The following SLC25A13 variants were observed in gnomAD, a reference collection of about 807,000 sequenced individuals.
SLC25A13 encodes solute carrier family 25 member 13, also known as electrogenic aspartate/glutamate antiporter SLC25A13, mitochondrial.
Under a neutral mutation model 85.5 loss-of-function variants are expected in SLC25A13, and 70 were observed. The observed-to-expected ratio is 0.82, with a 90% CI of 0.68 to 1.00. The LOEUF (loss-of-function observed/expected upper bound fraction) is 1.00, where lower values mean the gene tolerates loss of function less well. Among genes scored for constraint, SLC25A13 ranks in the 50% least tolerant of loss-of-function variants. SLC25A13 has a pLI of 0.00. For missense variants in SLC25A13, 765 were observed against 819.8 expected (o/e 0.93, Z 0.82); for synonymous variants, 259 against 288.7 (o/e 0.90, Z 1.04).
chr7:96,206,483 G>A (rs567991325), intron 5 of SLC25A13, among the ~76,000 whole-genome samples: 1 of 152,170 alleles, frequency 6.6e-6, no homozygotes, highest in Non-Finnish European at 1.5e-5. Context: ...TGAAATGGAA[G>A]GAAGGAAGAA....
chr7:96,271,525 G>A, intron 3 of SLC25A13, among the ~76,000 whole-genome samples: 1 of 152,286 alleles, frequency 6.6e-6, no homozygotes, highest in East Asian at 1.9e-4. Flanking sequence ...GAGATTATGA[G>A]AAGAGGCAGC....
At chr7:96,313,417 GAAT>G (rs1800014951) in intron 1 of SLC25A13, among the ~76,000 whole-genome samples, 1 of 152,196 alleles carries the variant, frequency 6.6e-6, no homozygotes, top group Non-Finnish European at 1.5e-5. Flanking sequence ...ATCCACCGTG[GAAT>G]ACCTTGCAGA....
intron 1 of SLC25A13, among the ~76,000 whole-genome samples, chr7:96,304,894 C>T (rs1017597179): frequency 4.6e-5 from 7 of 152,200 alleles, no homozygotes; most frequent in African/African-American, 1.7e-4. Context: ...TATGATGATA[C>T]ATGCTATCAT....
At chr7:96,306,770 C>A in intron 1 of SLC25A13, 1 of 1,198,240 alleles carries the variant, frequency 8.3e-7, no homozygotes, top group Non-Finnish European at 1.2e-6. Flanking sequence ...TTCTTTTTGC[C>A]CTCTGATACC....
At chr7:96,199,314 G>T (rs566816325) in intron 5 of SLC25A13, among the ~76,000 whole-genome samples, 57 of 152,318 alleles carry the variant, frequency 3.7e-4, no homozygotes, top group African/African-American at 1.3e-3. Flanking sequence ...GATGATTGTA[G>T]AAATGGGTGA....
chr7:96,299,693 C>A (rs1187574227), intron 1 of SLC25A13, among the ~76,000 whole-genome samples: 1 of 152,182 alleles, frequency 6.6e-6, no homozygotes, highest in East Asian at 1.9e-4. Context: ...CATCACTTAA[C>A]AACAGGATAA....
intron 9 of SLC25A13, 76 bp from the exon 10 acceptor site, chr7:96,185,087 A>C: frequency 8.4e-7 from 1 of 1,192,316 alleles, no homozygotes; most frequent in Non-Finnish European, 1.2e-6. Context: ...ATGACCATAC[A>C]TTAACTTTAA....
intron 3 of SLC25A13, among the ~76,000 whole-genome samples, chr7:96,260,371 AAGATG>A (rs1439217343): frequency 1.3e-5 from 2 of 152,266 alleles, no homozygotes; most frequent in African/African-American, 4.8e-5. Context: ...CTACTGGCCA[AAGATG>A]AGATATTGCA....
At chr7:96,224,382 C>T (rs530147765) in intron 4 of SLC25A13, among the ~76,000 whole-genome samples, 6 of 152,120 alleles carry the variant, frequency 3.9e-5, no homozygotes, top group East Asian at 1.9e-4. Flanking sequence ...CTTAAGGGCC[C>T]GGCCCTGTCG....
intron 11 of SLC25A13, among the ~76,000 whole-genome samples, chr7:96,172,886 G>A (rs1459979103): frequency 1.3e-5 from 2 of 152,042 alleles, no homozygotes; most frequent in Non-Finnish European, 2.9e-5. Context: ...AGCCTCCCGA[G>A]TAGCTGGGAC....
At chr7:96,148,387 TG>T (rs1268420179) in intron 13 of SLC25A13, among the ~76,000 whole-genome samples, 3 of 152,314 alleles carry the variant, frequency 2.0e-5, no homozygotes, top group African/African-American at 7.2e-5. Context: ...AACAACTCCC[TG>T]GTTGTTTACA....
At chr7:96,291,466 T>C (rs1384697686) in intron 2 of SLC25A13, among the ~76,000 whole-genome samples, 1 of 152,118 alleles carries the variant, frequency 6.6e-6, no homozygotes, top group African/African-American at 2.4e-5. Flanking sequence ...CAAAAAACCC[T>C]TCCAAAAATT....
At chr7:96,241,176 A>G (rs949791634) in intron 3 of SLC25A13, among the ~76,000 whole-genome samples, 8 of 152,282 alleles carry the variant, frequency 5.3e-5, no homozygotes, top group African/African-American at 1.9e-4. Flanking sequence ...AAGAGTCTCA[A>G]AGATGTCTTT....
chr7:96,306,768 G>T, intron 1 of SLC25A13: 1 of 1,191,354 alleles, frequency 8.4e-7, no homozygotes, highest in Non-Finnish European at 1.2e-6. Flanking sequence ...TGTTCTTTTT[G>T]CCCTCTGATA....
chr7:96,226,433 G>A (rs1441376954), intron 4 of SLC25A13, among the ~76,000 whole-genome samples: 3 of 152,122 alleles, frequency 2.0e-5, no homozygotes, highest in Non-Finnish European at 2.9e-5. Flanking sequence ...ACATTTGGCT[G>A]TTGCGAACAG....
At chr7:96,311,380 C>A (rs556287600) in intron 1 of SLC25A13, among the ~76,000 whole-genome samples, 1 of 152,306 alleles carries the variant, frequency 6.6e-6, no homozygotes, top group Non-Finnish European at 1.5e-5. Context: ...CCAAAAAAGA[C>A]TCTAACTTGA....
At chr7:96,259,642 G>A (rs1797770632) in intron 3 of SLC25A13, among the ~76,000 whole-genome samples, 1 of 152,200 alleles carries the variant, frequency 6.6e-6, no homozygotes, top group Non-Finnish European at 1.5e-5. Flanking sequence ...GTGGAAGTCA[G>A]TGTGGTGATT....
intron 15 of SLC25A13, among the ~76,000 whole-genome samples, chr7:96,124,216 C>T (rs748316282): frequency 2.0e-5 from 3 of 152,132 alleles, no homozygotes; most frequent in Admixed American, 6.5e-5. Flanking sequence ...CACAAGTCAT[C>T]GTTAATTTTT....
At chr7:96,294,353 A>C (rs879651289) in intron 2 of SLC25A13, among the ~76,000 whole-genome samples, 30 of 152,326 alleles carry the variant, frequency 2.0e-4, no homozygotes, top group Non-Finnish European at 4.0e-4. Context: ...TGGGTGCAGC[A>C]CATCAACATG....
Sources: gnomAD v4.1 joint callset for allele counts (sites outside exome capture counted in the v4.1 genomes callset) on GRCh38, gnomAD v4.1.1 for gene constraint, MANE v1.5 for transcripts, NCBI Gene and HGNC (gene_info 2026-07-23, HGNC 2026-07-21) for gene names.